The following CFAP70 variants were observed in gnomAD, a reference collection of about 807,000 sequenced individuals.
CFAP70 encodes cilia and flagella associated protein 70.
In CFAP70, 81 loss-of-function variants were observed where a neutral mutation model predicts 137.6. The observed-to-expected ratio is 0.59, with a 90% CI of 0.49 to 0.71. CFAP70 has a LOEUF of 0.71. CFAP70 is among the 30% of genes least tolerant of loss of function. The pLI, the probability that CFAP70 is intolerant of heterozygous loss-of-function variation, is 0.00. For missense variants in CFAP70, 976 were observed against 1,226.7 expected, an observed-to-expected ratio of 0.80 and a Z score of 3.05; for synonymous variants, 382 against 423.6, an observed-to-expected ratio of 0.90 and a Z score of 1.20.
At chr10:73,270,572 A>G in intron 24 of CFAP70, among the ~76,000 whole-genome samples, 1 of 71,274 alleles carries the variant, frequency 1.4e-5, no homozygotes. Context: ...GTCTCGCTGT[A>G]CTGCCCAGGC....
intron 12 of CFAP70, among the ~76,000 whole-genome samples, chr10:73,301,754 T>C (rs1010333178): frequency 3.3e-5 from 5 of 152,216 alleles, no homozygotes; most frequent in Admixed American, 3.3e-4. Flanking sequence ...TTGTACACTT[T>C]ATTTTATTTT....
intron 25 of CFAP70, among the ~76,000 whole-genome samples, chr10:73,267,657 C>G (rs1230840694): frequency 2.0e-5 from 3 of 152,096 alleles, no homozygotes; most frequent in Non-Finnish European, 2.9e-5. Flanking sequence ...GTATAACACC[C>G]ATTTATCATA....
intron 19 of CFAP70, chr10:73,278,938 G>A (rs4265517): frequency 0.11 from 15,543 of 146,936 alleles, 1,166 homozygotes; most frequent in East Asian, 0.3. Flanking sequence ...CCGAGATCAC[G>A]TCACTGCACT....
chr10:73,330,313 G>C (rs542556590), intron 8 of CFAP70, among the ~76,000 whole-genome samples: 1 of 151,826 alleles, frequency 6.6e-6, no homozygotes, highest in Admixed American at 6.6e-5. Context: ...AGCCGGGCGT[G>C]GTGGTGTGTG....
At chr10:73,281,104 T>C (rs945877031) in intron 19 of CFAP70, among the ~76,000 whole-genome samples, 2 of 151,900 alleles carry the variant, frequency 1.3e-5, no homozygotes, top group Admixed American at 1.3e-4. Flanking sequence ...TTTGCTATCA[T>C]TATCATTAAG....
intron 21 of CFAP70, chr10:73,276,603 CTT>C (rs1275388529): frequency 6.6e-6 from 1 of 152,232 alleles, no homozygotes; most frequent in Non-Finnish European, 1.5e-5. Flanking sequence ...CTTGCCTGCC[CTT>C]GAGTAGGGCA....
At chr10:73,287,519 A>C (rs1359108788) in intron 19 of CFAP70, among the ~76,000 whole-genome samples, 1 of 152,102 alleles carries the variant, frequency 6.6e-6, no homozygotes, top group African/African-American at 2.4e-5. Flanking sequence ...TATTTTTTCT[A>C]TTTTATTATT....
At chr10:73,358,747 T>C (rs938232943) in exon 1 of CFAP70, 9 of 152,438 alleles carry the variant, frequency 5.9e-5, no homozygotes, top group African/African-American at 1.7e-4. Context: ...TTGACAACTA[T>C]AGCAACCAAC....
intron 15 of CFAP70, 189 bp downstream of exon 16, chr10:73,296,853 T>C (rs1462530431): frequency 2.2e-6 from 1 of 447,908 alleles, no homozygotes; most frequent in Non-Finnish European, 3.7e-6. Context: ...TATCTCCTTG[T>C]TTTTTTCCAA....
intron 19 of CFAP70, among the ~76,000 whole-genome samples, chr10:73,290,205 A>C (rs965758777): frequency 6.6e-6 from 1 of 152,196 alleles, no homozygotes; most frequent in Non-Finnish European, 1.5e-5. Flanking sequence ...AAGGGATGAA[A>C]TATTGATATA....
At position 73,351,065 on chromosome 10, in the gene CFAP70, GTGTGTGTATATATATATATATATA is replaced by G. The variant is rs1263249901; in HGVS notation, c.250+2467_250+2490del. Among the ~76,000 whole-genome samples, 19 of 55,660 alleles carry G rather than the reference GTGTGTGTATATATATATATATATA, an allele frequency of 3.4e-4. 1 individual carries two copies. In the East Asian group the frequency reaches 8.9e-3, roughly 26 times the overall value. The allele number at this position is 55,660 out of a possible 152,430, so 36.5% of individuals were successfully genotyped here. ...TATATATGTGTGTGTGTGTGTGTGT[GTGTGTGTATATATATATATATATA>G]TATATATATATATATATATATATGT... On this transcript the variant is annotated intron_variant, in intron 3 of 26. Coordinates refer to ENST00000310715, the Ensembl canonical transcript of CFAP70.
chr10:73,348,644 A>G (rs1354128350), intron 3 of CFAP70, 123 bp from the exon 4 acceptor site: 1 of 656,496 alleles, frequency 1.5e-6, no homozygotes, highest in African/African-American at 1.8e-5. Context: ...GAAAGTACAG[A>G]AGGCACCAAC....
chr10:73,285,073 T>C (rs1192211739), intron 19 of CFAP70, among the ~76,000 whole-genome samples: 1 of 151,818 alleles, frequency 6.6e-6, no homozygotes, highest in African/African-American at 2.4e-5. Flanking sequence ...GTAGGCAAAT[T>C]AGATATATAA....
intron 15 of CFAP70, 35 bp from the exon 17 acceptor site, chr10:73,293,423 G>C: frequency 6.5e-7 from 1 of 1,538,744 alleles, no homozygotes; most frequent in Non-Finnish European, 8.7e-7. Context: ...AGACAAAAAT[G>C]AAACAATTAC....
chr10:73,298,980 T>C, exon 14 of CFAP70: 1 of 1,614,102 alleles, frequency 6.2e-7, no homozygotes, highest in South Asian at 1.1e-5. Context: ...CTTCTGCTCC[T>C]CCAAGGTTTC....
intron 8 of CFAP70, among the ~76,000 whole-genome samples, chr10:73,324,720 G>A (rs1210357563): frequency 2.0e-5 from 3 of 152,220 alleles, no homozygotes; most frequent in Non-Finnish European, 4.4e-5. Context: ...GTGATCAACT[G>A]GAAGAAGGAG....
At chr10:73,331,147 A>T in intron 8 of CFAP70, 30 bp downstream of exon 9, 1 of 1,492,422 alleles carries the variant, frequency 6.7e-7, no homozygotes, top group East Asian at 2.3e-5. Context: ...TACATTTCTT[A>T]TATAAATATT....
intron 4 of CFAP70, among the ~76,000 whole-genome samples, chr10:73,346,388 C>A (rs909157064): frequency 6.6e-6 from 1 of 151,724 alleles, no homozygotes; most frequent in South Asian, 2.1e-4. Context: ...GTAATCCCAG[C>A]ACTTTGGGAG....
At chr10:73,302,230 T>C (rs1171901878) in intron 12 of CFAP70, among the ~76,000 whole-genome samples, 1 of 152,054 alleles carries the variant, frequency 6.6e-6, no homozygotes, top group South Asian at 2.1e-4. Flanking sequence ...AGAAAAGGTG[T>C]TCAAGCACTG....
Sources: allele counts gnomAD v4.1 joint callset (sites outside exome capture counted in the v4.1 genomes callset), GRCh38; gene constraint gnomAD v4.1.1; transcripts MANE v1.5; gene names NCBI Gene and HGNC (gene_info 2026-07-23, HGNC 2026-07-21).